BRMS1L: variants seen among roughly 807,000 people sequenced by gnomAD.
BRMS1L encodes breast cancer metastasis-suppressor 1-like protein.
Under a neutral mutation model 50.3 loss-of-function variants are expected in BRMS1L, and 23 were observed. The ratio of observed to expected loss-of-function variants is 0.46; its 90% confidence interval spans 0.33 to 0.65. BRMS1L has a LOEUF of 0.65. Among genes scored for constraint, BRMS1L ranks in the 30% least tolerant of loss-of-function variants. The pLI is 0.02. For missense variants in BRMS1L, 286 were observed against 386.1 expected (o/e 0.74, Z 2.17); for synonymous variants, 114 against 126.9 (o/e 0.90, Z 0.69).
chr14:35,842,461 T>A (rs1333323933), intron 4 of BRMS1L, among the ~76,000 whole-genome samples: 2 of 152,192 alleles, frequency 1.3e-5, no homozygotes, highest in African/African-American at 4.8e-5. Context: ...GGTATGAAAT[T>A]CTGGGTTGAA....
rs1301079779 is a variant in BRMS1L, at chr14:35,870,432, C to T, written c.927C>T (p.Tyr309=). 1.2e-6 allele frequency: 2 copies of T among 1,608,234 alleles called. No individual in the cohort carries two copies. Among genetic ancestry groups the T allele is most frequent in the Non-Finnish European group, 8.5e-7 (1 of 1,176,944 alleles). The part of the protein sequence containing the change: ...KRPDGSKSKL[Y]ISQLQKGKYS... ...CTGATGGAAGCAAATCTAAGCTTTACATTTCACAGCTACAGAAAGGAAAAT... is the reference window on the plus strand; with the variant it reads ...CTGATGGAAGCAAATCTAAGCTTTATATTTCACAGCTACAGAAAGGAAAAT... The change falls in exon 10 of 10, where the codon TAC becomes TAT. Residue 309 remains tyrosine, a synonymous_variant. Coordinates refer to ENST00000216807, the MANE Select transcript of BRMS1L (RefSeq NM_032352.4).
At chr14:35,846,290 G>A (rs904183280) in intron 4 of BRMS1L, among the ~76,000 whole-genome samples, 93 of 151,960 alleles carry the variant, frequency 6.1e-4, no homozygotes, top group Non-Finnish European at 3.2e-4. Context: ...CCAGCTACTC[G>A]GGAGGCTGAG....
At chr14:35,843,037 A>G (rs2078087339) in intron 4 of BRMS1L, among the ~76,000 whole-genome samples, 1 of 152,148 alleles carries the variant, frequency 6.6e-6, no homozygotes, top group African/African-American at 2.4e-5. Context: ...CAGGACATTT[A>G]TGTTCTTCCC....
intron 1 of BRMS1L, 110 bp downstream of exon 1, chr14:35,826,768 G>A (rs2077850496): frequency 1.4e-6 from 2 of 1,460,496 alleles, no homozygotes; most frequent in Non-Finnish European, 1.8e-6. Context: ...GGGGACAGAG[G>A]GAAGGGGCGG....
In BRMS1L at chr14:35,862,664, G is replaced by A. The variant is rs1443512470; in HGVS notation, c.516G>A (p.Arg172=). The A allele has an allele frequency of 6.2e-7, 1 of 1,609,812 alleles. No individual in the cohort carries two copies. Among genetic ancestry groups the A allele is most frequent in the South Asian group, 1.1e-5 (1 of 90,516 alleles). Residue 172 remains arginine, a synonymous_variant, in exon 5 of 10, where the codon AGG becomes AGA. Transcript: ENST00000216807. ...EEKIRRLEED[R]HSIDITSELW... is the part of the protein sequence containing the mutation. ...AGATAAGAAGGCTTGAAGAGGATAGGCACAGCATTGATATTACCTCAGGTA... is the reference window on the plus strand; with the variant it reads ...AGATAAGAAGGCTTGAAGAGGATAGACACAGCATTGATATTACCTCAGGTA...
Position 35,834,929 on chromosome 14 carries a change from G to A in BRMS1L, c.441+6G>A, listed in dbSNP as rs2077971557. 6 of 1,578,408 alleles carry A rather than the reference G, an allele frequency of 3.8e-6. No homozygotes were observed. Among genetic ancestry groups the A allele is most frequent in the Non-Finnish European group, 5.2e-6 (6 of 1,163,150 alleles). On this transcript the variant is annotated splice_donor_region_variant and intron_variant, in intron 4 of 9. Coordinates refer to ENST00000216807, the MANE Select transcript of BRMS1L (RefSeq NM_032352.4). ...CTTCTCGCCAGCATTGTGAGGTACT[G>A]TCATTTTGCATAACTTTTAAGCTAA...
At chr14:35,840,782 G>A (rs1430148059) in intron 4 of BRMS1L, among the ~76,000 whole-genome samples, 2 of 151,262 alleles carry the variant, frequency 1.3e-5, no homozygotes, top group African/African-American at 4.8e-5. Flanking sequence ...CTGGCTAGTG[G>A]TCTATCTAAA....
In BRMS1L at chr14:35,826,776, C is replaced by A. The variant is rs568170757; in HGVS notation, c.142+118C>A. 7.1e-6 allele frequency: 10 copies of A among 1,409,536 alleles called. No individual in the cohort carries two copies. In the East Asian group the frequency reaches 1.9e-4, roughly 27 times the overall value. The allele number at this position is 1,409,536 out of a possible 1,614,324, so 87.3% of individuals were successfully genotyped here. A position where few individuals can be genotyped will look rare whatever the true frequency, so the allele number is the denominator to read the frequency against. On this transcript the variant is annotated intron_variant, in intron 1 of 9. Coordinates refer to ENST00000216807, the MANE Select transcript of BRMS1L (RefSeq NM_032352.4). The stretch of plus-strand genomic sequence containing the variant: ...GCGGGGCGGGGACAGAGGGAAGGGG[C>A]GGAGACTGGCTCTGGGCCCTGGGCT...
intron 9 of BRMS1L, 93 bp from the exon 10 acceptor site, chr14:35,870,267 G>A: frequency 2.8e-6 from 2 of 719,306 alleles, no homozygotes; most frequent in Middle Eastern, 4.0e-4. Context: ...ACTGTTGTAG[G>A]CCAGTTTATT....
In BRMS1L at chr14:35,871,499, A is replaced by C. The variant is rs1194642504; in HGVS notation, c.*1022A>C. 1 of 152,656 alleles carries C rather than the reference A, an allele frequency of 6.6e-6. No individual in the cohort carries two copies. The highest frequency in any genetic ancestry group is 1.5e-5 in the Non-Finnish European group (1 of 68,026). 9.5% of individuals were successfully genotyped at this position (152,656 alleles called of 1,614,324 possible). A position where few individuals can be genotyped will look rare whatever the true frequency, so the allele number is the denominator to read the frequency against. On this transcript the variant is annotated 3_prime_UTR_variant, in exon 10 of 10. Coordinates refer to ENST00000216807, the MANE Select transcript of BRMS1L (RefSeq NM_032352.4). ...CTAGCCACATTCAAAATTAACTTCC[A>C]AAACCTCAGGAACAGTACAAAGAAT...
intron 1 of BRMS1L, chr14:35,829,731 A>C (rs2142035399): frequency 1.4e-6 from 1 of 721,724 alleles, no homozygotes; most frequent in Middle Eastern, 2.9e-4. Flanking sequence ...AAAATGAGAA[A>C]AAAATGAGTC....
chr14:35,865,714 TA>T lies in BRMS1L; in HGVS notation c.688-6del. On this transcript the variant is annotated splice_polypyrimidine_tract_variant and splice_region_variant and intron_variant, in intron 7 of 9. Coordinates refer to ENST00000216807, the MANE Select transcript of BRMS1L (RefSeq NM_032352.4). ...CTTTCTTCCTCTTTTTTTTTTTTTT[TA>T]ATTAAGGCAATGGCTACATTGGGGC... is the stretch of plus-strand genomic sequence containing the variant. 3 of 1,568,150 alleles carry T rather than the reference TA, an allele frequency of 1.9e-6. No homozygotes were observed. Among genetic ancestry groups the T allele is most frequent in the Admixed American group, 2.0e-5 (1 of 50,960 alleles).
intron 4 of BRMS1L, among the ~76,000 whole-genome samples, chr14:35,835,467 T>TA (rs2077979005): frequency 6.6e-6 from 1 of 152,218 alleles, no homozygotes; most frequent in Non-Finnish European, 1.5e-5. Flanking sequence ...CCTTGAGCAG[T>TA]AGGATATAAA....
rs1461499005 is a variant in BRMS1L, at chr14:35,865,602, C to G, written c.688-120C>G. 1.2e-5 allele frequency: 9 copies of G among 766,014 alleles called. No homozygotes were observed. The South Asian group carries it at 1.4e-4, about 12-fold the overall frequency. 47.5% of individuals were successfully genotyped at this position (766,014 alleles called of 1,614,324 possible). A position where few individuals can be genotyped will look rare whatever the true frequency, so the allele number is the denominator to read the frequency against. The stretch of plus-strand genomic sequence containing the variant: ...TTTGTTAGAGCAGCTAATGGTTATA[C>G]TTTACTGTCTTTGTTATGGAGTTAA... On this transcript the variant is annotated intron_variant, in intron 7 of 9. Transcript: ENST00000216807.
At chr14:35,827,550 G>C (rs2077861334) in intron 1 of BRMS1L, among the ~76,000 whole-genome samples, 1 of 152,246 alleles carries the variant, frequency 6.6e-6, no homozygotes. Context: ...CTCTTTTCAT[G>C]TTTCCCTTGC....
At chr14:35,864,838 C>T in intron 6 of BRMS1L, 97 bp from the exon 7 acceptor site, 1 of 875,508 alleles carries the variant, frequency 1.1e-6, no homozygotes, top group Non-Finnish European at 1.8e-6. Context: ...AAGCATTATG[C>T]TCATAAATCA....
chr14:35,864,040 T>C, intron 6 of BRMS1L, 87 bp downstream of exon 6: 2 of 962,996 alleles, frequency 2.1e-6, no homozygotes, highest in Admixed American at 2.2e-5. Context: ...TTGTAAACAC[T>C]GACTTTATTT....
At position 35,844,403 on chromosome 14, in the gene BRMS1L, C is replaced by T. The variant is rs12587900; in HGVS notation, c.441+9480C>T. Among the ~76,000 whole-genome samples the T allele has an allele frequency of 0.013, 2,041 of 152,242 alleles. 80 individuals carry two copies. In the South Asian group the frequency reaches 0.14, roughly 11 times the overall value. ...CAGGGGCAGAATGCACCATTCCTCACGGCGTGGTCCCTCATGGCTCCCCTT... is the reference window on the plus strand; with the variant it reads ...CAGGGGCAGAATGCACCATTCCTCATGGCGTGGTCCCTCATGGCTCCCCTT... On this transcript the variant is annotated intron_variant, in intron 4 of 9. Coordinates refer to ENST00000216807, the MANE Select transcript of BRMS1L (RefSeq NM_032352.4).
At chr14:35,868,462 A>G (rs2078448846) in intron 9 of BRMS1L, among the ~76,000 whole-genome samples, 1 of 152,212 alleles carries the variant, frequency 6.6e-6, no homozygotes, top group African/African-American at 2.4e-5. Context: ...TGGAAAATTA[A>G]TAAAACCCTT....
Sources: gnomAD v4.1 joint callset for allele counts (sites outside exome capture counted in the v4.1 genomes callset) on GRCh38, gnomAD v4.1.1 for gene constraint, MANE v1.5 for transcripts, NCBI Gene and HGNC (gene_info 2026-07-23, HGNC 2026-07-21) for gene names.